Variants in BMP5 observed in about 807,000 individuals in gnomAD.
BMP5 encodes bone morphogenetic protein 5.
A neutral mutation model predicts 46.6 loss-of-function variants in BMP5; 23 were observed. The ratio of observed to expected loss-of-function variants is 0.49; its 90% CI spans 0.35 to 0.70. BMP5 has a LOEUF of 0.70. Among genes scored for constraint, BMP5 ranks in the 30% least tolerant of loss-of-function variants. BMP5 has a pLI of 0.00. For synonymous variants in BMP5, 204 were observed against 191.9 expected (o/e 1.06, Z -0.52); for missense variants, 545 against 565.6 (o/e 0.96, Z 0.37).
chr6:55,823,620 G>A (rs953800756), intron 1 of BMP5, among the ~76,000 whole-genome samples: 3 of 151,960 alleles, frequency 2.0e-5, no homozygotes, highest in African/African-American at 7.2e-5. Flanking sequence ...AACACAGCCG[G>A]AGTGTGTTTT....
chr6:55,761,940 A>C (rs906240430), intron 4 of BMP5, among the ~76,000 whole-genome samples: 1 of 152,094 alleles, frequency 6.6e-6, no homozygotes, highest in Non-Finnish European at 1.5e-5. Flanking sequence ...AAAGTATCTG[A>C]GGAGTTAATG....
chr6:55,761,163 A>G (rs1277707545), intron 4 of BMP5, among the ~76,000 whole-genome samples: 1 of 151,930 alleles, frequency 6.6e-6, no homozygotes. Context: ...TACACATCCA[A>G]TCTGTCAGGA....
At chr6:55,835,365 G>A (rs1054715303) in intron 1 of BMP5, among the ~76,000 whole-genome samples, 54 of 152,188 alleles carry the variant, frequency 3.5e-4, no homozygotes, top group African/African-American at 1.2e-3. Context: ...CTTCCTAACT[G>A]AGCAGAAATT....
At chr6:55,863,905 T>A (rs969578013) in intron 1 of BMP5, among the ~76,000 whole-genome samples, 3 of 152,162 alleles carry the variant, frequency 2.0e-5, no homozygotes, top group African/African-American at 7.2e-5. Context: ...AGGTGTTTAG[T>A]AGGATATGCC....
intron 4 of BMP5, among the ~76,000 whole-genome samples, chr6:55,763,891 C>T (rs1013485550): frequency 6.6e-6 from 1 of 151,898 alleles, no homozygotes; most frequent in Non-Finnish European, 1.5e-5. Context: ...ATCTTTAGTT[C>T]GATTTTCTTT....
intron 2 of BMP5, among the ~76,000 whole-genome samples, chr6:55,813,394 A>C (rs60070969): frequency 0.023 from 3,466 of 152,002 alleles, 137 homozygotes; most frequent in African/African-American, 0.08. Context: ...TTATATATAA[A>C]TTTATTTAAA....
chr6:55,870,150 C>T (rs770410234), intron 1 of BMP5, among the ~76,000 whole-genome samples: 17 of 150,142 alleles, frequency 1.1e-4, no homozygotes, highest in Non-Finnish European at 1.9e-4. Flanking sequence ...CCAGCTAATA[C>T]GTCTCATTAA....
intron 4 of BMP5, among the ~76,000 whole-genome samples, chr6:55,766,829 C>G (rs1306135677): frequency 1.3e-5 from 2 of 151,924 alleles, no homozygotes; most frequent in East Asian, 3.9e-4. Flanking sequence ...GTCCATGGCT[C>G]TACAACTGTA....
chr6:55,759,172 A>AAAAAAAAAAAAAAAAC (rs1562023483), intron 5 of BMP5, 57 bp from the exon 6 acceptor site: 5 of 738,950 alleles, frequency 6.8e-6, no homozygotes, highest in East Asian at 3.6e-5. Flanking sequence ...AAAAAAAAAA[A>AAAAAAAAAAAAAAAAC]AAAAAAAAAA....
chr6:55,851,895 A>C (rs530955664), intron 1 of BMP5, among the ~76,000 whole-genome samples: 1 of 152,298 alleles, frequency 6.6e-6, no homozygotes, highest in African/African-American at 2.4e-5. Context: ...GATGTTGGGA[A>C]GTTTATTTTA....
intron 3 of BMP5, among the ~76,000 whole-genome samples, chr6:55,793,908 AC>A (rs1008638806): frequency 6.6e-6 from 1 of 152,176 alleles, no homozygotes; most frequent in Non-Finnish European, 1.5e-5. Context: ...TATTTGATGT[AC>A]AGTTCCATAA....
chr6:55,790,774 C>T (rs1422122407), intron 3 of BMP5, among the ~76,000 whole-genome samples: 1 of 152,158 alleles, frequency 6.6e-6, no homozygotes, highest in Non-Finnish European at 1.5e-5. Flanking sequence ...AATCTAACTG[C>T]TGACCCAGTT....
chr6:55,864,993 T>C (rs1305451861), intron 1 of BMP5, among the ~76,000 whole-genome samples: 1 of 152,030 alleles, frequency 6.6e-6, no homozygotes. Flanking sequence ...ATAATAATGA[T>C]TTAAGTAGTA....
intron 3 of BMP5, among the ~76,000 whole-genome samples, chr6:55,789,434 G>A (rs976228987): frequency 5.3e-5 from 8 of 151,902 alleles, no homozygotes; most frequent in Non-Finnish European, 5.9e-5. Context: ...GAAAATTATA[G>A]TGTTTGGGGG....
At chr6:55,864,859 T>G (rs1193136682) in intron 1 of BMP5, among the ~76,000 whole-genome samples, 1 of 152,008 alleles carries the variant, frequency 6.6e-6, no homozygotes, top group Non-Finnish European at 1.5e-5. Context: ...TTATAAGTTA[T>G]TATAACAACT....
intron 1 of BMP5, among the ~76,000 whole-genome samples, chr6:55,822,998 T>TA (rs1471633339): frequency 1.3e-5 from 2 of 152,090 alleles, no homozygotes; most frequent in African/African-American, 4.8e-5. Flanking sequence ...GAATAAGACT[T>TA]ACAGCCTAAT....
chr6:55,854,509 T>C (rs886919627), intron 1 of BMP5, among the ~76,000 whole-genome samples: 34 of 152,058 alleles, frequency 2.2e-4, no homozygotes, highest in African/African-American at 7.7e-4. Context: ...TATATGCATA[T>C]ATATTTATCA....
At chr6:55,859,493 A>G (rs1377038037) in intron 1 of BMP5, among the ~76,000 whole-genome samples, 1 of 152,230 alleles carries the variant, frequency 6.6e-6, no homozygotes, top group African/African-American at 2.4e-5. Flanking sequence ...AAATATATTC[A>G]TAAGGAGAAA....
rs971283012 is a variant in BMP5 at position 55,754,374 on chromosome 6, G to T, written c.*1159C>A. ...AGAACCTTCCTGTTTGGAATTATTT[G>T]TGCTTGGAAGAAGGTTTACAAAATG... On this transcript the variant is annotated 3_prime_UTR_variant, in exon 7 of 7. Transcript: ENST00000370830. 1.3e-5 allele frequency: 2 copies of T among 151,806 alleles called. No homozygotes were observed. Among genetic ancestry groups the T allele is most frequent in the African/African-American group, 4.8e-5 (2 of 41,390 alleles). The allele number at this position is 151,806 out of a possible 1,614,324, so 9.4% of individuals were successfully genotyped here.
Sources: allele counts gnomAD v4.1 joint callset (sites outside exome capture counted in the v4.1 genomes callset), GRCh38; gene constraint gnomAD v4.1.1; transcripts MANE v1.5; gene names NCBI Gene and HGNC (gene_info 2026-07-23, HGNC 2026-07-21).